TUSC3: variants seen among roughly 807,000 people sequenced by gnomAD.
The protein encoded by TUSC3 is tumor suppressor candidate 3.
A neutral mutation model predicts 44.8 loss-of-function variants in TUSC3; 45 were observed. The observed-to-expected ratio is 1.00, with a 90% confidence interval of 0.79 to 1.29. TUSC3 has a LOEUF of 1.29. Ranked by LOEUF, TUSC3 falls within the 50% of genes most tolerant of loss-of-function variation. The probability of loss-of-function intolerance (pLI) is 0.00; values close to 1 mark genes in which losing one functional copy is unlikely to be tolerated. For missense variants in TUSC3, 519 were observed against 437.9 expected, an observed-to-expected ratio of 1.19 and a Z score of -1.65; for synonymous variants, 212 against 152.9, an observed-to-expected ratio of 1.39 and a Z score of -2.85.
intron 2 of TUSC3, among the ~76,000 whole-genome samples, chr8:15,640,664 G>A (rs775605908): frequency 2.0e-5 from 3 of 152,124 alleles, no homozygotes; most frequent in Non-Finnish European, 4.4e-5. Context: ...TTTTTGTCGT[G>A]GAACTGGATA....
chr8:15,617,139 T>TGTGTGTGTGTGTGTGTGTGTGTGTG (rs772712798), intron 1 of TUSC3, among the ~76,000 whole-genome samples: 1 of 60,192 alleles, frequency 1.7e-5, no homozygotes, highest in African/African-American at 5.9e-5. Context: ...TGTGTATATA[T>TGTGTGTGTGTGTGTGTGTGTGTGTG]TTTTTTTTTT....
chr8:15,487,432 C>G (rs1333226643), intron 2 of TUSC3, among the ~76,000 whole-genome samples: 6 of 152,198 alleles, frequency 3.9e-5, no homozygotes, highest in Admixed American at 3.9e-4. Flanking sequence ...TCCGTAGCCA[C>G]AGTCACTGAC....
At chr8:15,753,882 G>T (rs1352287551) in intron 9 of TUSC3, among the ~76,000 whole-genome samples, 1 of 152,026 alleles carries the variant, frequency 6.6e-6, no homozygotes, top group African/African-American at 2.4e-5. Context: ...GATGGCAAAA[G>T]CAAGTGTCAA....
the TUSC3 span, among the ~76,000 whole-genome samples, chr8:15,839,498 G>T: frequency 5.4e-5 from 8 of 147,820 alleles, no homozygotes; most frequent in African/African-American, 1.2e-4. Flanking sequence ...CTAATATCCA[G>T]AATCTACAAA....
intron 1 of TUSC3, among the ~76,000 whole-genome samples, chr8:15,450,711 C>A (rs574970367): frequency 3.9e-5 from 6 of 152,230 alleles, no homozygotes; most frequent in Non-Finnish European, 7.4e-5. Flanking sequence ...ACAGTTAACA[C>A]AGGCTTTTGG....
At chr8:15,701,193 C>A (rs1234785758) in intron 6 of TUSC3, among the ~76,000 whole-genome samples, 2 of 152,062 alleles carry the variant, frequency 1.3e-5, no homozygotes, top group African/African-American at 4.8e-5. Flanking sequence ...GTATATTTCC[C>A]TGTAATAATC....
chr8:15,604,445 G>A (rs553852038), intron 1 of TUSC3, among the ~76,000 whole-genome samples: 52 of 151,634 alleles, frequency 3.4e-4, no homozygotes, highest in Non-Finnish European at 6.6e-4. Context: ...ATTATTATTT[G>A]TGCTTTTCTG....
At chr8:15,808,916 CAT>C in the TUSC3 span, among the ~76,000 whole-genome samples, 1 of 151,944 alleles carries the variant, frequency 6.6e-6, no homozygotes, top group Non-Finnish European at 1.5e-5. Flanking sequence ...TACACACACA[CAT>C]ATAATTAAGA....
chr8:15,441,076 A>G (rs1800014757), intron 1 of TUSC3, among the ~76,000 whole-genome samples: 1 of 152,216 alleles, frequency 6.6e-6, no homozygotes, highest in South Asian at 2.1e-4. Context: ...TGCAACTAAA[A>G]CTGCCCTAAT....
chr8:15,523,702 G>GTATATATA (rs1563273682), intron 2 of TUSC3, among the ~76,000 whole-genome samples: 3 of 112,040 alleles, frequency 2.7e-5, no homozygotes, highest in African/African-American at 1.2e-4. Flanking sequence ...GTGTGTGTGT[G>GTATATATA]TGTGTGTATA....
chr8:15,500,024 C>G (rs780233010), intron 2 of TUSC3, among the ~76,000 whole-genome samples: 1 of 152,136 alleles, frequency 6.6e-6, no homozygotes, highest in Non-Finnish European at 1.5e-5. Flanking sequence ...TTTTCTAACC[C>G]ATCTTAGCCA....
At chr8:15,777,174 ACTT>A in the TUSC3 span, among the ~76,000 whole-genome samples, 1 of 152,158 alleles carries the variant, frequency 6.6e-6, no homozygotes, top group African/African-American at 2.4e-5. Context: ...TAAATCAGCT[ACTT>A]CTTAAAATTT....
chr8:15,849,416 G>T, the TUSC3 span, among the ~76,000 whole-genome samples: 1 of 152,090 alleles, frequency 6.6e-6, no homozygotes, highest in African/African-American at 2.4e-5. Context: ...TTCTTATAAA[G>T]ATCTATCAGT....
chr8:15,566,696 G>A (rs911293960), intron 1 of TUSC3, among the ~76,000 whole-genome samples: 1 of 151,406 alleles, frequency 6.6e-6, no homozygotes, highest in Non-Finnish European at 1.5e-5. Flanking sequence ...CACAGCTCAC[G>A]ACAGCCACAA....
intron 10 of TUSC3, 101 bp downstream of exon 10, chr8:15,757,956 T>G: frequency 3.3e-6 from 5 of 1,514,896 alleles, no homozygotes; most frequent in Non-Finnish European, 2.7e-6. Context: ...AATTACTGTT[T>G]TACAAATGTA....
the TUSC3 span, among the ~76,000 whole-genome samples, chr8:15,787,617 A>G: frequency 6.6e-6 from 1 of 152,222 alleles, no homozygotes; most frequent in Non-Finnish European, 1.5e-5. Flanking sequence ...TCTATGATAT[A>G]TGGTTCCAAA....
At chr8:15,616,357 C>T (rs1563135603) in intron 1 of TUSC3, among the ~76,000 whole-genome samples, 3 of 152,056 alleles carry the variant, frequency 2.0e-5, no homozygotes, top group African/African-American at 4.8e-5. Context: ...GCGGGTGGAT[C>T]ACCTGAGGTC....
intron 6 of TUSC3, among the ~76,000 whole-genome samples, chr8:15,706,192 T>G (rs1414386834): frequency 6.6e-6 from 1 of 152,066 alleles, no homozygotes; most frequent in African/African-American, 2.4e-5. Flanking sequence ...AATAAATTAC[T>G]ATTATTGCAT....
At chr8:15,845,142 A>T in the TUSC3 span, among the ~76,000 whole-genome samples, 170 of 152,258 alleles carry the variant, frequency 1.1e-3, no homozygotes, top group African/African-American at 3.8e-3. Context: ...AAGAAACCTC[A>T]TCATTAACTT....
Sources: gnomAD v4.1 joint callset for allele counts (sites outside exome capture counted in the v4.1 genomes callset) on GRCh38, gnomAD v4.1.1 for gene constraint, MANE v1.5 for transcripts, NCBI Gene and HGNC (gene_info 2026-07-23, HGNC 2026-07-21) for gene names.